Variants in GFRA1 observed in about 807,000 individuals in gnomAD.
GFRA1 encodes the protein GDNF family receptor alpha 1.
GFRA1 carries 16 observed loss-of-function variants against 51.6 expected under a neutral mutation model. The observed-to-expected ratio is 0.31, with a 90% CI of 0.21 to 0.47. The LOEUF is 0.47. Among genes scored for constraint, GFRA1 ranks in the 20% least tolerant of loss-of-function variants. The pLI is 1.00. For synonymous variants in GFRA1, 270 were observed against 241.3 expected, an observed-to-expected ratio of 1.12 and a Z score of -1.10; for missense variants, 530 against 594.3, an observed-to-expected ratio of 0.89 and a Z score of 1.13.
chr10:116,100,261 A>G (rs558524195), intron 6 of GFRA1, among the ~76,000 whole-genome samples: 9 of 152,332 alleles, frequency 5.9e-5, no homozygotes, highest in Admixed American at 3.9e-4. Context: ...ACGACTTAAC[A>G]TGTATTCATA....
chr10:116,105,317 T>G (rs1239741621), intron 6 of GFRA1, among the ~76,000 whole-genome samples: 1 of 152,028 alleles, frequency 6.6e-6, no homozygotes, highest in Non-Finnish European at 1.5e-5. Context: ...AAAATGGAAA[T>G]CTAGATGTTC....
intron 6 of GFRA1, among the ~76,000 whole-genome samples, chr10:116,108,971 C>G (rs61864914): frequency 0.015 from 2,221 of 152,340 alleles, 27 homozygotes; most frequent in Non-Finnish European, 0.025. Flanking sequence ...ATCACGGACA[C>G]TTGGTGCTGA....
intron 4 of GFRA1, among the ~76,000 whole-genome samples, chr10:116,222,994 T>C (rs140758191): frequency 1.3e-5 from 2 of 152,360 alleles, no homozygotes; most frequent in African/African-American, 4.8e-5. Context: ...ATTAACTCTA[T>C]ACAGAAGGAT....
At chr10:116,248,509 A>G (rs1968057020) in intron 4 of GFRA1, among the ~76,000 whole-genome samples, 1 of 152,234 alleles carries the variant, frequency 6.6e-6, no homozygotes, top group African/African-American at 2.4e-5. Context: ...AAGGTCCCTC[A>G]GGCTTCTTCC....
At chr10:116,238,259 G>A (rs1967063539) in intron 4 of GFRA1, among the ~76,000 whole-genome samples, 1 of 152,116 alleles carries the variant, frequency 6.6e-6, no homozygotes, top group South Asian at 2.1e-4. Flanking sequence ...GCAGGCCCTG[G>A]GGAACGCCGC....
intron 5 of GFRA1, among the ~76,000 whole-genome samples, chr10:116,167,820 C>T (rs978174681): frequency 6.6e-6 from 1 of 152,162 alleles, no homozygotes; most frequent in African/African-American, 2.4e-5. Context: ...ATCCATGATC[C>T]TCAAAGAAGC....
chr10:116,118,682 G>A (rs906480033), intron 6 of GFRA1, among the ~76,000 whole-genome samples: 4 of 152,176 alleles, frequency 2.6e-5, no homozygotes, highest in African/African-American at 7.2e-5. Context: ...ACTCGAAGAC[G>A]ATAAAAGATG....
intron 9 of GFRA1, among the ~76,000 whole-genome samples, chr10:116,083,961 G>A (rs1172824734): frequency 6.6e-6 from 1 of 152,204 alleles, no homozygotes; most frequent in East Asian, 1.9e-4. Flanking sequence ...AGCTTGACAC[G>A]ACTCTGGGGA....
chr10:116,233,233 C>G (rs1966793209), intron 4 of GFRA1, among the ~76,000 whole-genome samples: 1 of 151,884 alleles, frequency 6.6e-6, no homozygotes, highest in Non-Finnish European at 1.5e-5. Context: ...GAGGCTGAGG[C>G]AGGAGCATCC....
At chr10:116,121,565 TG>T (rs1363097953) in intron 6 of GFRA1, among the ~76,000 whole-genome samples, 3 of 152,226 alleles carry the variant, frequency 2.0e-5, no homozygotes, top group African/African-American at 7.2e-5. Context: ...TGTCGGACCC[TG>T]GGGAAGGAAA....
intron 9 of GFRA1, among the ~76,000 whole-genome samples, chr10:116,082,725 G>A (rs149142460): frequency 1.8e-3 from 277 of 152,120 alleles, no homozygotes; most frequent in African/African-American, 6.4e-3. Context: ...GTGATCTGCC[G>A]CCTTGGCTTC....
intron 4 of GFRA1, among the ~76,000 whole-genome samples, chr10:116,256,955 G>A (rs2015977117): frequency 7.8e-6 from 1 of 128,562 alleles, no homozygotes; most frequent in South Asian, 2.4e-4. Flanking sequence ...CTGAGCCACT[G>A]CTCCCAAGCG....
intron 5 of GFRA1, among the ~76,000 whole-genome samples, chr10:116,175,854 C>T (rs1483597169): frequency 1.3e-5 from 2 of 152,096 alleles, no homozygotes; most frequent in African/African-American, 4.8e-5. Flanking sequence ...AGGGACCTAC[C>T]CATTTCAACT....
intron 4 of GFRA1, among the ~76,000 whole-genome samples, chr10:116,266,325 C>T (rs1969656266): frequency 6.6e-6 from 1 of 152,156 alleles, no homozygotes; most frequent in Admixed American, 6.5e-5. Flanking sequence ...TCCTGGCTTC[C>T]TCAGATAAAT....
intron 5 of GFRA1, among the ~76,000 whole-genome samples, chr10:116,196,721 TATATA>T (rs1158043308): frequency 9.4e-6 from 1 of 106,716 alleles, no homozygotes; most frequent in African/African-American, 3.8e-5. Context: ...TATAGTACTA[TATATA>T]ATATATAATA....
At chr10:116,106,976 C>T (rs1250210924) in intron 6 of GFRA1, among the ~76,000 whole-genome samples, 3 of 152,192 alleles carry the variant, frequency 2.0e-5, no homozygotes, top group African/African-American at 7.2e-5. Context: ...GCTTTGCCTA[C>T]TGCCATGATT....
At chr10:116,253,213 C>A (rs1293664751) in intron 4 of GFRA1, among the ~76,000 whole-genome samples, 1 of 152,234 alleles carries the variant, frequency 6.6e-6, no homozygotes, top group Non-Finnish European at 1.5e-5. Context: ...ACAGAAACTG[C>A]AGAACTGGAG....
intron 4 of GFRA1, among the ~76,000 whole-genome samples, chr10:116,239,834 G>A (rs754377975): frequency 2.6e-5 from 4 of 152,040 alleles, no homozygotes; most frequent in Non-Finnish European, 5.9e-5. Flanking sequence ...AGTCTCCTAG[G>A]ATTTACCAAA....
At chr10:116,086,303 T>A (rs1956097343) in intron 9 of GFRA1, among the ~76,000 whole-genome samples, 1 of 152,222 alleles carries the variant, frequency 6.6e-6, no homozygotes, top group South Asian at 2.1e-4. Flanking sequence ...ACCTTCCATC[T>A]GTTGTAAAGG....
Sources: allele counts gnomAD v4.1 joint callset (sites outside exome capture counted in the v4.1 genomes callset), GRCh38; gene constraint gnomAD v4.1.1; transcripts MANE v1.5; gene names NCBI Gene and HGNC (gene_info 2026-07-23, HGNC 2026-07-21).